The following KCNMA1 variants were observed in gnomAD, a reference collection of about 807,000 sequenced individuals.
KCNMA1 encodes the protein potassium calcium-activated channel subfamily M alpha 1.
Under a neutral mutation model 140.0 loss-of-function variants are expected in KCNMA1, and 29 were observed. That is an observed-to-expected ratio of 0.21 (90% CI 0.15 to 0.28). The LOEUF is 0.28. Among genes scored for constraint, KCNMA1 ranks in the 10% least tolerant of loss-of-function variants. The pLI is 1.00. For synonymous variants in KCNMA1, 612 were observed against 611.9 expected (o/e 1.00, Z 0.00); for missense variants, 880 against 1,602.2 (o/e 0.55, Z 7.70).
chr10:76,966,004 T>A (rs1055927941), intron 20 of KCNMA1, among the ~76,000 whole-genome samples: 1 of 152,210 alleles, frequency 6.6e-6, no homozygotes, highest in Non-Finnish European at 1.5e-5. Context: ...TGTGTTTTTA[T>A]GTGCTTGTCT....
chr10:77,172,510 C>T (rs1001563404), intron 5 of KCNMA1, among the ~76,000 whole-genome samples: 8 of 151,976 alleles, frequency 5.3e-5, no homozygotes, highest in East Asian at 1.9e-4. Flanking sequence ...TAGCAGCGAC[C>T]GGAACAGCAA....
chr10:76,910,250 G>A, intron 24 of KCNMA1, 154 bp from the exon 25 acceptor site: 2 of 765,610 alleles, frequency 2.6e-6, no homozygotes, highest in Non-Finnish European at 4.4e-6. Context: ...GGTAAGGGGG[G>A]CAGTGGGACT....
At chr10:77,112,193 T>C (rs1177059585) in intron 7 of KCNMA1, among the ~76,000 whole-genome samples, 174 bp downstream of exon 7, 3 of 152,344 alleles carry the variant, frequency 2.0e-5, no homozygotes, top group South Asian at 2.1e-4. Context: ...CATTTGGAAC[T>C]AGTTTGGGGT....
At chr10:77,163,956 G>A (rs974035359) in intron 5 of KCNMA1, among the ~76,000 whole-genome samples, 1 of 152,152 alleles carries the variant, frequency 6.6e-6, no homozygotes, top group African/African-American at 2.4e-5. Flanking sequence ...TTGAACAAAT[G>A]AAAGAATTAA....
chr10:76,877,905 A>T, intron 29 of KCNMA1: 1 of 1,605,930 alleles, frequency 6.2e-7, no homozygotes, highest in Non-Finnish European at 8.5e-7. Context: ...TAAAGGGCAA[A>T]ATGGATAGAG....
At chr10:77,392,156 AAGGGAGGGAGGGAGG>A (rs2095854221) in intron 2 of KCNMA1, among the ~76,000 whole-genome samples, 1 of 99,712 alleles carries the variant, frequency 1.0e-5, no homozygotes, top group African/African-American at 4.0e-5. Context: ...GGGAGGGAGG[AAGGGAGGGAGGGAGG>A]AGGGAGGAGT....
chr10:77,078,595 T>C (rs957169015), intron 13 of KCNMA1, among the ~76,000 whole-genome samples: 1 of 152,210 alleles, frequency 6.6e-6, no homozygotes, highest in African/African-American at 2.4e-5. Context: ...GTGTCCCACA[T>C]TACACTCTTA....
intron 20 of KCNMA1, 36 bp from the exon 21 acceptor site, chr10:76,953,960 A>G (rs754615592): frequency 6.2e-7 from 1 of 1,611,350 alleles, no homozygotes; most frequent in South Asian, 1.1e-5. Context: ...TAAGTGGAAA[A>G]TGTGATAAAT....
At chr10:77,122,907 G>A (rs867478036) in intron 5 of KCNMA1, among the ~76,000 whole-genome samples, 21 of 152,140 alleles carry the variant, frequency 1.4e-4, no homozygotes, top group Middle Eastern at 3.4e-3. Flanking sequence ...GGCCGGGCAC[G>A]GTGGCTCATG....
intron 23 of KCNMA1, among the ~76,000 whole-genome samples, chr10:76,920,635 A>G (rs935907610): frequency 1.3e-5 from 2 of 152,174 alleles, no homozygotes; most frequent in Non-Finnish European, 2.9e-5. Flanking sequence ...ATTTTGTAGA[A>G]GAGGAAAATA....
chr10:77,292,198 C>T (rs749847384), intron 2 of KCNMA1, among the ~76,000 whole-genome samples: 1 of 152,172 alleles, frequency 6.6e-6, no homozygotes. Context: ...GCTGAGACCC[C>T]GCCGGGCCTC....
chr10:77,304,870 T>C (rs2077317040), intron 2 of KCNMA1, among the ~76,000 whole-genome samples: 1 of 152,126 alleles, frequency 6.6e-6, no homozygotes, highest in Admixed American at 6.5e-5. Flanking sequence ...GCCATTGCGG[T>C]CCAAGACCCC....
At position 76,885,215 on chromosome 10, in the gene KCNMA1, AGT is replaced by A. The variant is rs1491139764; in HGVS notation, c.*2049_*2050del. 6 of 549,512 alleles carry A rather than the reference AGT, an allele frequency of 1.1e-5. No individual in the cohort carries two copies. Among genetic ancestry groups the A allele is most frequent in the Non-Finnish European group, 1.4e-5 (6 of 429,346 alleles). 34.0% of individuals were successfully genotyped at this position (549,512 alleles called of 1,614,324 possible). On this transcript the variant is annotated 3_prime_UTR_variant, in exon 28 of 28. Transcript: ENST00000286628. ...GATACATATATATAGTTATATATAT[AGT>A]TATATATATATAATTATATAGTTAT...
chr10:77,000,883 T>A (rs865902894), intron 19 of KCNMA1, among the ~76,000 whole-genome samples: 8,479 of 106,020 alleles, frequency 0.08, 1,100 homozygotes, highest in Non-Finnish European at 0.1. Context: ...TATATATATA[T>A]ATATATATAT....
At chr10:77,616,805 CAA>C (rs112798861) in intron 1 of KCNMA1, among the ~76,000 whole-genome samples, 9 of 121,034 alleles carry the variant, frequency 7.4e-5, no homozygotes, top group Admixed American at 8.5e-5. Context: ...AGCTCCATCT[CAA>C]AAAAAAAAAA....
At chr10:77,214,139 C>T (rs535555726) in intron 3 of KCNMA1, among the ~76,000 whole-genome samples, 5 of 152,294 alleles carry the variant, frequency 3.3e-5, no homozygotes, top group East Asian at 1.9e-4. Flanking sequence ...TGACTGGTTT[C>T]GCTTTAAATT....
At chr10:77,408,511 T>C (rs1405992519) in intron 1 of KCNMA1, among the ~76,000 whole-genome samples, 1 of 152,058 alleles carries the variant, frequency 6.6e-6, no homozygotes, top group Admixed American at 6.6e-5. Context: ...TGAGAATGTG[T>C]GCATGTGTGT....
chr10:77,337,542 C>A (rs2089540440), intron 2 of KCNMA1, among the ~76,000 whole-genome samples: 1 of 152,214 alleles, frequency 6.6e-6, no homozygotes, highest in Non-Finnish European at 1.5e-5. Context: ...CTCGCTTGAG[C>A]CCGAGAGGCG....
intron 1 of KCNMA1, among the ~76,000 whole-genome samples, chr10:77,535,139 C>A (rs2058602278): frequency 6.6e-6 from 1 of 152,174 alleles, no homozygotes; most frequent in South Asian, 2.1e-4. Context: ...CATGCACACA[C>A]TCCAGTAGCA....
Sources: gnomAD v4.1 joint callset for allele counts (sites outside exome capture counted in the v4.1 genomes callset) on GRCh38, gnomAD v4.1.1 for gene constraint, MANE v1.5 for transcripts, NCBI Gene and HGNC (gene_info 2026-07-23, HGNC 2026-07-21) for gene names.